The following BPTF variants were observed in gnomAD, a reference collection of about 807,000 sequenced individuals.
The protein encoded by BPTF is nucleosome-remodeling factor subunit BPTF.
BPTF carries 18 observed loss-of-function variants against 292.5 expected under a neutral mutation model. That is an observed-to-expected ratio of 0.06 (90% confidence interval 0.04 to 0.09). The LOEUF (loss-of-function observed/expected upper bound fraction) is 0.09. Ranked by LOEUF, BPTF falls within the 10% of genes least tolerant of loss-of-function variation. The pLI is 1.00. For synonymous variants in BPTF, 1,225 were observed against 1,251.9 expected (o/e 0.98, Z 0.45); for missense variants, 2,726 against 3,498.7 (o/e 0.78, Z 5.57).
At chr17:67,831,227 A>G (rs1339556889) in intron 1 of BPTF, among the ~76,000 whole-genome samples, 5 of 152,196 alleles carry the variant, frequency 3.3e-5, no homozygotes, top group Admixed American at 6.6e-5. Flanking sequence ...GCCTTGACAC[A>G]TAGATGTGTA....
chr17:67,855,488 A>G (rs1168086254), intron 2 of BPTF, among the ~76,000 whole-genome samples: 1 of 152,136 alleles, frequency 6.6e-6, no homozygotes, highest in Non-Finnish European at 1.5e-5. Flanking sequence ...CTAGTTGTCT[A>G]AGGAAAGGTC....
At chr17:67,848,230 G>A (rs2058171732) in intron 1 of BPTF, among the ~76,000 whole-genome samples, 2 of 152,038 alleles carry the variant, frequency 1.3e-5, no homozygotes, top group African/African-American at 4.8e-5. Flanking sequence ...AATCGACAGT[G>A]GTTTCTGGGA....
At position 67,874,805 on chromosome 17, in the gene BPTF, T is replaced by C. The variant is rs182255249; in HGVS notation, c.1661-12T>C. ...ATAGGAATAATTTTTTTGTTTGTTT[T>C]ACACATTATAGAAGAAATTTTGGAA... On this transcript the variant is annotated splice_polypyrimidine_tract_variant and intron_variant, in intron 3 of 27. Coordinates refer to ENST00000306378, the MANE Select transcript of BPTF (RefSeq NM_182641.4). 19 of 1,583,634 alleles carry C rather than the reference T, an allele frequency of 1.2e-5. No individual in the cohort carries two copies. In the East Asian group the frequency reaches 3.6e-4, roughly 30 times the overall value.
chr17:67,874,056 A>G (rs1376212066), intron 3 of BPTF, among the ~76,000 whole-genome samples: 1 of 151,358 alleles, frequency 6.6e-6, no homozygotes, highest in Non-Finnish European at 1.5e-5. Context: ...CTGGACTCGG[A>G]AAAAGTCCCC....
At chr17:67,843,868 T>A (rs1213216033) in intron 1 of BPTF, among the ~76,000 whole-genome samples, 1 of 144,052 alleles carries the variant, frequency 6.9e-6, no homozygotes, top group African/African-American at 2.6e-5. Context: ...TGGGTTCAAG[T>A]GATTCTCCTG....
chr17:67,893,319 T>G (rs1365081187), intron 5 of BPTF, 51 bp from the exon 6 acceptor site: 1 of 1,133,644 alleles, frequency 8.8e-7, no homozygotes, highest in East Asian at 2.4e-5. Context: ...TAGATGAAAT[T>G]CACATCTTTG....
intron 2 of BPTF, among the ~76,000 whole-genome samples, chr17:67,860,187 A>C (rs1315965212): frequency 6.6e-6 from 1 of 152,208 alleles, no homozygotes; most frequent in Admixed American, 6.5e-5. Flanking sequence ...TGTAAAATCA[A>C]GTAGGAAACT....
At chr17:67,899,776 A>C (rs1023425890) in intron 7 of BPTF, among the ~76,000 whole-genome samples, 1 of 151,640 alleles carries the variant, frequency 6.6e-6, no homozygotes, top group Non-Finnish European at 1.5e-5. Context: ...TGATCTGCCC[A>C]CCTCGGCTTC....
Position 67,853,970 on chromosome 17 carries a change from G to A in BPTF, c.644G>A (p.Arg215His), listed in dbSNP as rs754887842. The part of the protein sequence containing the change: ...GRRKPRVHRP[R>H]SPILEEKDIP... Reference sequence around the variant, plus strand: ...CGAAAACCAAGAGTACATCGGCCTCGTTCTCCTATATTGGAAGAAAAAGAC... The same window carrying A: ...CGAAAACCAAGAGTACATCGGCCTCATTCTCCTATATTGGAAGAAAAAGAC... Residue 215 changes from arginine to histidine, a missense_variant, in exon 2 of 28, where the codon CGT (arginine) becomes CAT (histidine). This residue lies in a region of BPTF where 153 missense variants were observed against 178.3 expected (regional missense o/e 0.86). Coordinates refer to ENST00000306378, the MANE Select transcript of BPTF (RefSeq NM_182641.4). The A allele has an allele frequency of 2.3e-5, 37 of 1,612,954 alleles. No individual in the cohort carries two copies. The highest frequency in any genetic ancestry group is 2.8e-5 in the Non-Finnish European group (33 of 1,179,122).
chr17:67,902,566 C>T (rs1383475908), intron 7 of BPTF, among the ~76,000 whole-genome samples: 2 of 152,078 alleles, frequency 1.3e-5, no homozygotes, highest in African/African-American at 4.8e-5. Context: ...TGAGAGACTA[C>T]GAAGAGCCTA....
rs140129929 is a variant in BPTF at position 67,950,608 on chromosome 17, C to T, written c.7926+2302C>T. 2.1e-3 allele frequency among the ~76,000 whole-genome samples: 322 copies of T among 152,012 alleles called. 3 individuals are homozygous for T. Among genetic ancestry groups the T allele is most frequent in the African/African-American group, 7.4e-3 (308 of 41,464 alleles). On this transcript the variant is annotated intron_variant, in intron 23 of 27. Transcript: ENST00000306378. ...ATCCCAGCACTTTGGGAGGCTGAGGCGAGCGGATCATTTGAGGTCAGGAGT... is the reference window on the plus strand; with the variant it reads ...ATCCCAGCACTTTGGGAGGCTGAGGTGAGCGGATCATTTGAGGTCAGGAGT...
intron 2 of BPTF, among the ~76,000 whole-genome samples, chr17:67,859,840 C>A (rs929060276): frequency 6.6e-6 from 1 of 152,144 alleles, no homozygotes; most frequent in Non-Finnish European, 1.5e-5. Flanking sequence ...CAGTATCAGT[C>A]TACGAAACAG....
rs2070552382 is a variant in BPTF at position 67,982,620 on chromosome 17, A to G, written c.*332A>G. 1 of 203,830 alleles carries G rather than the reference A, an allele frequency of 4.9e-6. No individual in the cohort carries two copies. Among genetic ancestry groups the G allele is most frequent in the Admixed American group, 5.9e-5 (1 of 16,836 alleles). 12.6% of individuals were successfully genotyped at this position (203,830 alleles called of 1,614,324 possible). ...TCAAGTGTAACTCCATGGAAATGCC[A>G]CGTCTGCTCTTCAGTGAAGAAGCTG... On this transcript the variant is annotated 3_prime_UTR_variant, in exon 28 of 28. Coordinates refer to ENST00000306378, the MANE Select transcript of BPTF (RefSeq NM_182641.4).
chr17:67,966,840 G>A (rs1368412007), intron 26 of BPTF, among the ~76,000 whole-genome samples, 184 bp downstream of exon 26: 16 of 152,132 alleles, frequency 1.1e-4, no homozygotes, highest in South Asian at 2.1e-4. Flanking sequence ...GGTGGCTCAC[G>A]CCTGTAATCC....
At chr17:67,982,204 T>G in intron 27 of BPTF, 48 bp from the exon 28 acceptor site, 1 of 1,557,958 alleles carries the variant, frequency 6.4e-7, no homozygotes, top group Non-Finnish European at 8.8e-7. Flanking sequence ...ATCATTGTTT[T>G]CAAAAATGAA....
chr17:67,863,058 C>T (rs548078462), intron 2 of BPTF, among the ~76,000 whole-genome samples: 2 of 152,076 alleles, frequency 1.3e-5, no homozygotes, highest in Admixed American at 1.3e-4. Flanking sequence ...CCAGGGCCAC[C>T]ATAACAAAGT....
At position 67,854,947 on chromosome 17, in the gene BPTF, A is replaced by G. The variant is rs923637763; in HGVS notation, c.1436+185A>G. Among the ~76,000 whole-genome samples, 7 of 152,214 alleles carry G rather than the reference A, an allele frequency of 4.6e-5. No homozygotes were observed. Among genetic ancestry groups the G allele is most frequent in the Non-Finnish European group, 7.3e-5 (5 of 68,040 alleles). ...AAATAGCTTTTAAGAAGGTAAAGGA[A>G]ACATATATGAAAGAAGCAAAATTCC... is the stretch of plus-strand genomic sequence containing the variant. On this transcript the variant is annotated intron_variant, in intron 2 of 27. Transcript: ENST00000306378. The surrounding 1 kb of genome is among the most constrained non-coding windows in gnomAD (Gnocchi z 5.6).
intron 23 of BPTF, among the ~76,000 whole-genome samples, chr17:67,954,609 C>T (rs182557205): frequency 6.6e-6 from 1 of 152,284 alleles, no homozygotes; most frequent in African/African-American, 2.4e-5. Context: ...TAGTCCTGCT[C>T]ACAGTTTTGT....
chr17:67,897,512 C>A (rs919102951), intron 7 of BPTF, among the ~76,000 whole-genome samples: 2 of 152,008 alleles, frequency 1.3e-5, no homozygotes, highest in African/African-American at 4.8e-5. Flanking sequence ...AAAGAGTGGA[C>A]CAAGATGGTG....
Sources: allele counts gnomAD v4.1 joint callset (sites outside exome capture counted in the v4.1 genomes callset), GRCh38; gene constraint gnomAD v4.1.1; regional missense constraint gnomAD v4.1.1; non-coding constraint Gnocchi (gnomAD v3.1); transcripts MANE v1.5; gene names NCBI Gene and HGNC (gene_info 2026-07-23, HGNC 2026-07-21).